TAF1: variants seen among roughly 807,000 people sequenced by gnomAD.
The protein encoded by TAF1 is TATA-box binding protein associated factor 1.
In TAF1, 2 loss-of-function variants were observed where a neutral mutation model predicts 138.5. The observed-to-expected ratio is 0.01, with a 90% CI of 0.01 to 0.05. TAF1 has a LOEUF of 0.05. TAF1 is among the 10% of genes least tolerant of loss of function. TAF1 has a pLI of 1.00. For missense variants in TAF1, 709 were observed against 1,478.0 expected (o/e 0.48, Z 8.53); for synonymous variants, 437 against 503.2 (o/e 0.87, Z 1.76).
chrX:71,487,679 A>T (rs1035083822), intron 13 of TAF1, among the ~76,000 whole-genome samples: 3 of 112,363 alleles, frequency 2.7e-5, no homozygotes, highest in Non-Finnish European at 5.6e-5. Context: ...CTAGAAGTTT[A>T]TCTTTTTAAA....
At chrX:71,435,716 G>GTCTTT (rs1334525361) in intron 32 of TAF1, among the ~76,000 whole-genome samples, 1 of 111,348 alleles carries the variant, frequency 9.0e-6, no homozygotes, top group Non-Finnish European at 1.9e-5. Flanking sequence ...TGCCCAGAAA[G>GTCTTT]TCTTTTAATG....
rs370696191 is a variant in TAF1 at position 71,454,166 on chromosome X, A to G, written c.4754-4A>G. 421 of 1,202,266 alleles carry G rather than the reference A, an allele frequency of 3.5e-4. No individual in the cohort carries two copies. The highest frequency in any genetic ancestry group is 2.3e-3 in the Middle Eastern group (10 of 4,345). The stretch of plus-strand genomic sequence containing the variant: ...ATAATGGCACTTTCTTATTTTATTT[A>G]TAGGACCTGAGAGTCAGTATACTAA... On this transcript the variant is annotated splice_region_variant and splice_polypyrimidine_tract_variant and intron_variant, in intron 32 of 37. Transcript: ENST00000423759.
intron 33 of TAF1, 97 bp from the exon 34 acceptor site, chrX:71,454,644 A>G (rs1202341438): frequency 7.2e-6 from 5 of 694,962 alleles, no homozygotes; most frequent in Non-Finnish European, 1.1e-5. Flanking sequence ...ACTAGAATAT[A>G]AGCTCCATGA....
intron 7 of TAF1, 41 bp downstream of exon 7, chrX:71,378,494 A>G: frequency 8.5e-7 from 1 of 1,183,361 alleles, no homozygotes; most frequent in Non-Finnish European, 1.1e-6. Context: ...CAATGTACTC[A>G]GGTCCTATTA....
chrX:71,516,405 T>G (rs920100835), intron 13 of TAF1, among the ~76,000 whole-genome samples: 1 of 109,836 alleles, frequency 9.1e-6, no homozygotes, highest in African/African-American at 3.3e-5. Flanking sequence ...GATTCAGTTT[T>G]GTAAGATGAA....
chrX:71,433,073 C>T (rs2036969494), intron 32 of TAF1, among the ~76,000 whole-genome samples: 1 of 111,883 alleles, frequency 8.9e-6, no homozygotes, highest in Admixed American at 9.6e-5. Flanking sequence ...ATTAATGGGC[C>T]TGGCAGTTTT....
intron 3 of TAF1, among the ~76,000 whole-genome samples, chrX:71,370,112 C>T (rs1260638541): frequency 2.7e-5 from 3 of 111,190 alleles, no homozygotes; most frequent in Non-Finnish European, 5.7e-5. Context: ...GTAGTCGCAG[C>T]TACTCAGGAG....
chrX:71,509,847 C>T (rs2147605302), intron 13 of TAF1, among the ~76,000 whole-genome samples: 1 of 110,642 alleles, frequency 9.0e-6, no homozygotes, highest in South Asian at 3.9e-4. Context: ...TGGTGCATAC[C>T]TGTAATCCCA....
At chrX:71,497,774 TGG>T (rs996575935) in intron 13 of TAF1, among the ~76,000 whole-genome samples, 2 of 111,658 alleles carry the variant, frequency 1.8e-5, no homozygotes, top group African/African-American at 6.5e-5. Flanking sequence ...ATTTGCCTTC[TGG>T]GTCTCCTTGA....
chrX:71,508,628 A>G (rs942263481), intron 13 of TAF1, among the ~76,000 whole-genome samples: 1 of 106,519 alleles, frequency 9.4e-6, no homozygotes, highest in African/African-American at 3.4e-5. Context: ...AAAAAGAAAA[A>G]AAAAAAAGAA....
At chrX:71,407,896 G>C in intron 27 of TAF1, 78 bp from the exon 28 acceptor site, 1 of 1,130,953 alleles carries the variant, frequency 8.8e-7, no homozygotes, top group East Asian at 3.0e-5. Flanking sequence ...CAGGTAGATA[G>C]GTAAGATGTG....
chrX:71,391,167 T>G (rs992640882), intron 18 of TAF1, among the ~76,000 whole-genome samples: 1 of 111,503 alleles, frequency 9.0e-6, no homozygotes, highest in African/African-American at 3.3e-5. Context: ...CACATAGTAC[T>G]GAACTTGGTT....
intron 22 of TAF1, among the ~76,000 whole-genome samples, chrX:71,395,019 C>T (rs757563205): frequency 1.8e-5 from 2 of 112,317 alleles, no homozygotes; most frequent in African/African-American, 3.2e-5. Flanking sequence ...TTTCTGAGAA[C>T]ATTCATGGCT....
chrX:71,430,037 C>CAA (rs1863963943), intron 32 of TAF1, among the ~76,000 whole-genome samples: 1 of 111,430 alleles, frequency 9.0e-6, no homozygotes, highest in African/African-American at 3.3e-5. Context: ...CTTGTAATTG[C>CAA]AAAAACATGG....
chrX:71,389,777 TG>T (rs1336214932), intron 18 of TAF1, 112 bp downstream of exon 18: 2 of 526,950 alleles, frequency 3.8e-6, no homozygotes, highest in African/African-American at 4.9e-5. Context: ...TAAAGTATAC[TG>T]TTAGATGTTC....
At chrX:71,520,073 C>G (rs2039903024) in intron 13 of TAF1, among the ~76,000 whole-genome samples, 1 of 110,189 alleles carries the variant, frequency 9.1e-6, no homozygotes, top group Non-Finnish European at 1.9e-5. Flanking sequence ...CTCGGCCTCC[C>G]AAAGTGTTGG....
In TAF1 at chrX:71,373,415, G is replaced by A. The variant is rs777957637; in HGVS notation, c.353-1752G>A. Among the ~76,000 whole-genome samples, 9 of 106,298 alleles carry A rather than the reference G, an allele frequency of 8.5e-5. No homozygotes were observed. The South Asian group carries it at 1.6e-3, about 19-fold the overall frequency. 92.3% of individuals were successfully genotyped at this position (106,298 alleles called of 115,157 possible). ...ACTCCTGAGCTCAGGCAATCCGCTC[G>A]CCTCAGCCTCCCAAAGTGCTGGGAT... On this transcript the variant is annotated intron_variant, in intron 3 of 37. Transcript: ENST00000423759.
chrX:71,443,503 A>G (rs1219770109), intron 32 of TAF1, among the ~76,000 whole-genome samples: 3 of 111,457 alleles, frequency 2.7e-5, no homozygotes, highest in African/African-American at 9.8e-5. Flanking sequence ...ATTTTTGCAC[A>G]TTGATTTTTA....
intron 9 of TAF1, 121 bp downstream of exon 9, chrX:71,382,040 T>A (rs2033919396): frequency 1.2e-6 from 1 of 820,282 alleles, no homozygotes; most frequent in East Asian, 3.8e-5. Context: ...AGGTAGCGGC[T>A]TGAGAGAGCG....
Sources: gnomAD v4.1 joint callset for allele counts (sites outside exome capture counted in the v4.1 genomes callset) on GRCh38, gnomAD v4.1.1 for gene constraint, MANE v1.5 for transcripts, NCBI Gene and HGNC (gene_info 2026-07-23, HGNC 2026-07-21) for gene names.